DOCK10: variants seen among roughly 807,000 people sequenced by gnomAD.
The protein encoded by DOCK10 is dedicator of cytokinesis 10.
DOCK10 carries 145 observed loss-of-function variants against 280.1 expected under a neutral mutation model. The observed-to-expected ratio is 0.52, with a 90% confidence interval of 0.45 to 0.59. The LOEUF is 0.59. Among genes scored for constraint, DOCK10 ranks in the 20% least tolerant of loss-of-function variants. The probability of loss-of-function intolerance (pLI) is 0.00; values close to 1 mark genes in which losing one functional copy is unlikely to be tolerated. For synonymous variants in DOCK10, 915 were observed against 942.2 expected, an observed-to-expected ratio of 0.97 and a Z score of 0.53; for missense variants, 2,368 against 2,651.7, an observed-to-expected ratio of 0.89 and a Z score of 2.35.
chr2:224,781,723 C>T (rs549539860), intron 50 of DOCK10, among the ~76,000 whole-genome samples: 1 of 152,224 alleles, frequency 6.6e-6, no homozygotes, highest in Non-Finnish European at 1.5e-5. Flanking sequence ...TAAACACCTT[C>T]TTCTGCTCTG....
intron 1 of DOCK10, among the ~76,000 whole-genome samples, chr2:224,933,720 G>A (rs1702526573): frequency 6.6e-6 from 1 of 152,130 alleles, no homozygotes. Flanking sequence ...TCCATGATGT[G>A]GCTAATAACA....
At chr2:224,978,434 GA>G (rs200228552) in intron 1 of DOCK10, among the ~76,000 whole-genome samples, 50 of 149,358 alleles carry the variant, frequency 3.3e-4, no homozygotes, top group Non-Finnish European at 6.0e-4. Flanking sequence ...CTCCGTCTCG[GA>G]AAAAAAAAAG....
chr2:225,041,238 G>A (rs557461035), intron 1 of DOCK10, among the ~76,000 whole-genome samples: 9 of 152,266 alleles, frequency 5.9e-5, no homozygotes, highest in Middle Eastern at 3.4e-3. Context: ...AAAAAGAGCC[G>A]TTTAGTTCCT....
chr2:224,823,757 T>A (rs1574885497), intron 27 of DOCK10, 110 bp from the exon 28 acceptor site: 2 of 1,071,076 alleles, frequency 1.9e-6, no homozygotes, highest in East Asian at 2.9e-5. Context: ...AGAAAAAGAA[T>A]CCTTTTGAAA....
In DOCK10 at chr2:224,899,073, T is replaced by C. The variant is rs57680909; in HGVS notation, c.334-2696A>G. 3.1e-3 allele frequency among the ~76,000 whole-genome samples: 468 copies of C among 152,256 alleles called. 20 individuals carry two copies. In the East Asian group the frequency reaches 0.085, roughly 28 times the overall value. ...TTTCTACCTTGCTGTGGTTCTCAAA[T>C]GAAACAAAATCCATTTTAAAATGGA... On this transcript the variant is annotated intron_variant, in intron 3 of 55. Transcript: ENST00000258390.
chr2:225,034,985 G>C (rs1289259482), intron 1 of DOCK10, among the ~76,000 whole-genome samples: 1 of 152,194 alleles, frequency 6.6e-6, no homozygotes, highest in Non-Finnish European at 1.5e-5. Context: ...TCTGAGGGAT[G>C]AGAAGGAGAA....
chr2:224,797,862 C>T lies in DOCK10; in HGVS notation c.4614G>A (p.Val1538=), dbSNP rs1388604325. ...ATACAAACAGTCTCAAGGAGGCAAA[C>T]ACATGCTTCAGCGCTGTGGCTGACT... ...VNQSATALKH[V]FASLRLFVCK... Residue 1538 remains valine (V), a synonymous_variant, in exon 42 of 56, where the codon GTG becomes GTA. Coordinates refer to ENST00000258390, the MANE Select transcript of DOCK10 (RefSeq NM_014689.3). 3.1e-6 allele frequency: 5 copies of T among 1,613,788 alleles called. No individual in the cohort carries two copies. The highest frequency in any genetic ancestry group is 4.2e-6 in the Non-Finnish European group (5 of 1,179,770).
At chr2:224,854,584 G>A (rs1696979031) in intron 16 of DOCK10, among the ~76,000 whole-genome samples, 3 of 152,132 alleles carry the variant, frequency 2.0e-5, no homozygotes, top group African/African-American at 7.2e-5. Flanking sequence ...ATGGATTATT[G>A]GTTTGTTAAT....
At chr2:224,946,919 C>A (rs1055690528) in intron 1 of DOCK10, 9 of 1,543,240 alleles carry the variant, frequency 5.8e-6, no homozygotes, top group African/African-American at 1.4e-5. Context: ...ATTCACTGGG[C>A]TCCCGTTTAA....
intron 1 of DOCK10, among the ~76,000 whole-genome samples, chr2:225,008,197 C>A (rs1238604947): frequency 6.6e-6 from 1 of 152,124 alleles, no homozygotes; most frequent in African/African-American, 2.4e-5. Flanking sequence ...TGAGGTCTTG[C>A]TATGTTGCCC....
At chr2:224,820,356 A>G (rs6436513) in intron 28 of DOCK10, among the ~76,000 whole-genome samples, 26,341 of 152,244 alleles carry the variant, frequency 0.17, 3,363 homozygotes, top group African/African-American at 0.37. Flanking sequence ...AAGACTGCAC[A>G]GGCAAAGTGT....
intron 1 of DOCK10, chr2:224,983,676 T>C: frequency 6.7e-6 from 3 of 444,612 alleles, no homozygotes; most frequent in Non-Finnish European, 1.4e-5. Context: ...TGCTCAGTAA[T>C]CTGTCACAAC....
chr2:224,982,184 C>T lies in DOCK10; in HGVS notation c.124-50516G>A, dbSNP rs1490946737. On this transcript the variant is annotated intron_variant, in intron 1 of 55. Transcript: ENST00000258390. ...ATAATAACAGTTCAATCCACTGAGGCTGCTTTACCACGGATACCATACCAT... is the reference window on the plus strand; with the variant it reads ...ATAATAACAGTTCAATCCACTGAGGTTGCTTTACCACGGATACCATACCAT... 6 of 1,230,052 alleles carry T rather than the reference C, an allele frequency of 4.9e-6. No homozygotes were observed. The African/African-American group carries it at 7.8e-5, about 16-fold the overall frequency. 76.2% of individuals were successfully genotyped at this position (1,230,052 alleles called of 1,614,324 possible). A position where few individuals can be genotyped will look rare whatever the true frequency, so the allele number is the denominator to read the frequency against.
chr2:224,871,559 A>T (rs1039284601), intron 11 of DOCK10, among the ~76,000 whole-genome samples: 1 of 152,188 alleles, frequency 6.6e-6, no homozygotes, highest in Admixed American at 6.5e-5. Flanking sequence ...ACTCTTTACT[A>T]TGGCTTAAGG....
intron 1 of DOCK10, among the ~76,000 whole-genome samples, chr2:225,038,965 C>T (rs536644982): frequency 1.5e-4 from 23 of 152,218 alleles, no homozygotes; most frequent in Non-Finnish European, 3.2e-4. Flanking sequence ...AAAAGTTTAC[C>T]TATACTTTTT....
At chr2:224,966,484 G>A (rs1174338253) in intron 1 of DOCK10, among the ~76,000 whole-genome samples, 1 of 151,998 alleles carries the variant, frequency 6.6e-6, no homozygotes. Flanking sequence ...TTATGCATGC[G>A]TAAATCCCAG....
At chr2:224,822,814 T>C (rs922235589) in intron 28 of DOCK10, among the ~76,000 whole-genome samples, 5 of 152,116 alleles carry the variant, frequency 3.3e-5, no homozygotes, top group African/African-American at 1.2e-4. Context: ...CTGTCAGAGC[T>C]AAAGCCATTA....
intron 1 of DOCK10, among the ~76,000 whole-genome samples, chr2:224,939,367 A>C (rs1416861688): frequency 6.6e-6 from 1 of 152,128 alleles, no homozygotes; most frequent in Admixed American, 6.5e-5. Context: ...TTGAAGTCTT[A>C]TTTTCTTTTT....
Position 224,777,998 on chromosome 2 carries a change from C to T in DOCK10, c.5802+140G>A, listed in dbSNP as rs76868900. On this transcript the variant is annotated intron_variant, in intron 51 of 55. Coordinates refer to ENST00000258390, the MANE Select transcript of DOCK10 (RefSeq NM_014689.3). ...CTCCTCCCCTCAAATTACCAACCAA[C>T]AGGCAAACAAGCAAAACATCTAAAA... 4,783 of 824,686 alleles carry T rather than the reference C, an allele frequency of 5.8e-3. 143 individuals carry two copies. In the African/African-American group the frequency reaches 0.067, roughly 12 times the overall value. 51.1% of individuals were successfully genotyped at this position (824,686 alleles called of 1,614,324 possible). A position where few individuals can be genotyped will look rare whatever the true frequency, so the allele number is the denominator to read the frequency against.
Sources: allele counts gnomAD v4.1 joint callset (sites outside exome capture counted in the v4.1 genomes callset), GRCh38; gene constraint gnomAD v4.1.1; transcripts MANE v1.5; gene names NCBI Gene and HGNC (gene_info 2026-07-23, HGNC 2026-07-21).